The following VPS18 variants were observed in gnomAD, a reference collection of about 807,000 sequenced individuals.
VPS18 encodes VPS18 core subunit of CORVET and HOPS complexes.
In VPS18, 25 loss-of-function variants were observed where a neutral mutation model predicts 82.0. The ratio of observed to expected loss-of-function variants is 0.30; its 90% CI spans 0.22 to 0.43. VPS18 has a LOEUF of 0.43. VPS18 is among the 20% of genes least tolerant of loss of function. The pLI is 1.00. For synonymous variants in VPS18, 523 were observed against 543.0 expected (o/e 0.96, Z 0.51); for missense variants, 1,168 against 1,311.1 (o/e 0.89, Z 1.69).
At position 40,903,219 on chromosome 15, in the gene VPS18, G is replaced by C; in HGVS notation, c.2800G>C (p.Ala934Pro). The part of the protein sequence containing the change: ...TAGPSREQLK[A>P]DLDELVAAEC... ...AGGGCCCAGCCGGGAACAGCTCAAG[G>C]CTGACCTGGATGAGTTGGTGGCCGC... is the stretch of plus-strand genomic sequence containing the variant. The change falls in exon 5 of 5, where the codon GCT becomes CCT. Residue 934 changes from alanine to proline, a missense_variant. Physicochemically the swap from Ala to Pro is conservative, Grantham distance 27 (BLOSUM62 -1). Coordinates refer to ENST00000220509, the MANE Select transcript of VPS18 (RefSeq NM_020857.3). 6.2e-7 allele frequency: 1 copy of C among 1,612,052 alleles called. No homozygotes were observed. Among genetic ancestry groups the C allele is most frequent in the Non-Finnish European group, 8.5e-7 (1 of 1,179,260 alleles).
In VPS18 at chr15:40,902,532, C is replaced by A; in HGVS notation, c.2197-84C>A. ...GAGTGCTGGGAATCCTGCCTCGGGG[C>A]CTCTCCTCGGCCATCTCTCTCTCCC... On this transcript the variant is annotated intron_variant, in intron 4 of 4. Coordinates refer to ENST00000220509, the MANE Select transcript of VPS18 (RefSeq NM_020857.3). This position sits in a 1 kb window ranked among gnomAD's most constrained non-coding sequence, Gnocchi z 4.2. The A allele has an allele frequency of 1.3e-6, 2 of 1,504,252 alleles. No individual in the cohort carries two copies. Among genetic ancestry groups the A allele is most frequent in the Non-Finnish European group, 1.8e-6 (2 of 1,127,542 alleles). The allele number at this position is 1,504,252 out of a possible 1,614,324, so 93.2% of individuals were successfully genotyped here. A position where few individuals can be genotyped will look rare whatever the true frequency, so the allele number is the denominator to read the frequency against.
Position 40,902,506 on chromosome 15 carries a change from G to C in VPS18, c.2197-110G>C, listed in dbSNP as rs1892376215. ...GCAGCGGCAGGCCCCCTTGCTTCCAGGAGTGCTGGGAATCCTGCCTCGGGG... is the reference window on the plus strand; with the variant it reads ...GCAGCGGCAGGCCCCCTTGCTTCCACGAGTGCTGGGAATCCTGCCTCGGGG... On this transcript the variant is annotated intron_variant, in intron 4 of 4. Transcript: ENST00000220509. This position sits in a 1 kb window ranked among gnomAD's most constrained non-coding sequence, Gnocchi z 4.2. 7.0e-7 allele frequency: 1 copy of C among 1,427,056 alleles called. No homozygotes were observed. The highest frequency in any genetic ancestry group is 2.4e-5 in the East Asian group (1 of 41,466). 88.4% of individuals were successfully genotyped at this position (1,427,056 alleles called of 1,614,324 possible). A position where few individuals can be genotyped will look rare whatever the true frequency, so the allele number is the denominator to read the frequency against.
At chr15:40,895,859 C>T in intron 1 of VPS18, 79 bp from the exon 2 acceptor site, 6 of 1,583,118 alleles carry the variant, frequency 3.8e-6, no homozygotes, top group Non-Finnish European at 4.3e-6. Flanking sequence ...GCGAGGAGCA[C>T]TGTGGTGTTT....
At position 40,900,665 on chromosome 15, in the gene VPS18, A is replaced by T; in HGVS notation, c.1847A>T (p.Glu616Val). 6.2e-7 allele frequency: 1 copy of T among 1,614,034 alleles called. No homozygotes were observed. Among genetic ancestry groups the T allele is most frequent in the Non-Finnish European group, 8.5e-7 (1 of 1,180,004 alleles). ...CGCCAGCTTGTAGATGCCTGGATTG[A>T]GATGGGCAGCCGGCTGGATGCTCGT... The part of the protein sequence containing the change: ...IPRQLVDAWI[E>V]MGSRLDARQL... Residue 616 changes from glutamate (E) to valine (V), a missense_variant, in exon 4 of 5, where the codon GAG becomes GTG. Glu to Val is a moderately radical substitution (Grantham distance 121). Coordinates refer to ENST00000220509, the MANE Select transcript of VPS18 (RefSeq NM_020857.3). The surrounding 1 kb of genome is among the most constrained non-coding windows in gnomAD (Gnocchi z 5.4).
intron 4 of VPS18, among the ~76,000 whole-genome samples, chr15:40,901,596 A>AT (rs1226915557): frequency 6.6e-6 from 1 of 151,514 alleles, no homozygotes; most frequent in Non-Finnish European, 1.5e-5. Context: ...CAAAAAAAAA[A>AT]AAAGAAAAAG....
chr15:40,894,751 G>T lies in VPS18; in HGVS notation c.-18G>T. On this transcript the variant is annotated 5_prime_UTR_variant, in exon 1 of 5. Transcript: ENST00000220509. ...GTAATCCCCAGGCCCCGGACAAAGA[G>T]CCCAGAGGCCGGGCACCATGGCGTC... 6.5e-7 allele frequency: 1 copy of T among 1,542,716 alleles called. No homozygotes were observed.
In VPS18 at chr15:40,900,880, G is replaced by T. The variant is rs752634117; in HGVS notation, c.2062G>T (p.Ala688Ser). 7 of 1,613,978 alleles carry T rather than the reference G, an allele frequency of 4.3e-6. No homozygotes were observed. The South Asian group carries it at 6.6e-5, about 15-fold the overall frequency. Residue 688 changes from alanine (A) to serine (S), a missense_variant, in exon 4 of 5, where the codon GCC becomes TCC. This residue lies in a region of VPS18 where 868 missense variants were observed against 939.8 expected (regional missense o/e 0.92). Transcript: ENST00000220509. The surrounding 1 kb of genome is among the most constrained non-coding windows in gnomAD (Gnocchi z 5.4). ...ACTGGCCTATCTGGAGCAGGCTGGGGCCAGCCCCCACCGGGTGCATTACGA... is the reference window on the plus strand; with the variant it reads ...ACTGGCCTATCTGGAGCAGGCTGGGTCCAGCCCCCACCGGGTGCATTACGA... ...SLLAYLEQAG[A>S]SPHRVHYDLK... is the part of the protein sequence containing the mutation.
chr15:40,894,699 C>T lies in VPS18; in HGVS notation c.-70C>T. On this transcript the variant is annotated 5_prime_UTR_variant, in exon 1 of 5. In the 5' UTR this introduces an upstream ATG that the reference lacks. Transcript: ENST00000220509. ...AGTTACAGCTTCCATTCTGGGGCGACGGGGACCCCGGGGGGGTAGCCCTTT... is the reference window on the plus strand; with the variant it reads ...AGTTACAGCTTCCATTCTGGGGCGATGGGGACCCCGGGGGGGTAGCCCTTT... The T allele has an allele frequency of 1.4e-6, 2 of 1,444,894 alleles. No individual in the cohort carries two copies. Among genetic ancestry groups the T allele is most frequent in the Non-Finnish European group, 1.8e-6 (2 of 1,083,826 alleles). 89.5% of individuals were successfully genotyped at this position (1,444,894 alleles called of 1,614,324 possible).
intron 1 of VPS18, 113 bp downstream of exon 1, chr15:40,894,972 G>C (rs1171110376): frequency 9.4e-7 from 1 of 1,066,896 alleles, no homozygotes; most frequent in South Asian, 1.7e-5. Flanking sequence ...GTGCCTTCCG[G>C]GTCTAGGCCC....
At chr15:40,898,102 G>A (rs1229260865) in intron 2 of VPS18, among the ~76,000 whole-genome samples, 2 of 152,130 alleles carry the variant, frequency 1.3e-5, no homozygotes, top group Non-Finnish European at 2.9e-5. Context: ...CAGTAGCTGG[G>A]ACTACAGGCG....
At position 40,894,931 on chromosome 15, in the gene VPS18, G is replaced by C. The variant is rs892839780; in HGVS notation, c.91+72G>C. On this transcript the variant is annotated intron_variant, in intron 1 of 4. Transcript: ENST00000220509. Reference sequence around the variant, plus strand: ...TTGCGTGGGAGCAGCGAGGAGGGCAGCTCCAAGAGCTCGGGGTCATCCCCT... The same window carrying C: ...TTGCGTGGGAGCAGCGAGGAGGGCACCTCCAAGAGCTCGGGGTCATCCCCT... The C allele has an allele frequency of 5.5e-6, 8 of 1,444,410 alleles. No individual in the cohort carries two copies. In the African/African-American group the frequency reaches 9.9e-5, roughly 18 times the overall value. The allele number at this position is 1,444,410 out of a possible 1,614,324, so 89.5% of individuals were successfully genotyped here.
At position 40,902,273 on chromosome 15, in the gene VPS18, C is replaced by T. The variant is rs1230370635; in HGVS notation, c.2197-343C>T. The stretch of plus-strand genomic sequence containing the variant: ...GACTACAGGCGCCCGCCACCACACC[C>T]GGCTAATTTTTTTGTATTTTTAGTA... On this transcript the variant is annotated intron_variant, in intron 4 of 4. Coordinates refer to ENST00000220509, the MANE Select transcript of VPS18 (RefSeq NM_020857.3). The surrounding 1 kb of genome is among the most constrained non-coding windows in gnomAD (Gnocchi z 4.2). Among the ~76,000 whole-genome samples, 2 of 152,044 alleles carry T rather than the reference C, an allele frequency of 1.3e-5. No individual in the cohort carries two copies. The highest frequency in any genetic ancestry group is 2.4e-5 in the African/African-American group (1 of 41,390).
rs1892384353 is a variant in VPS18 at position 40,902,896 on chromosome 15, C to T, written c.2477C>T (p.Ala826Val). 1 of 1,614,144 alleles carries T rather than the reference C, an allele frequency of 6.2e-7. No individual in the cohort carries two copies. The highest frequency in any genetic ancestry group is 8.5e-7 in the Non-Finnish European group (1 of 1,180,064). The change falls in exon 5 of 5, where the codon GCT becomes GTT. Residue 826 changes from alanine (A) to valine (V), a missense_variant. By Grantham distance (64) the Ala-to-Val change is moderately conservative. Around this residue, in one of 3 missense-constraint regions of VPS18, gnomAD observed 296 missense variants for 354.0 expected, o/e 0.84. Transcript: ENST00000220509. The surrounding 1 kb of genome is among the most constrained non-coding windows in gnomAD (Gnocchi z 4.2). Reference protein sequence around the residue: ...IQELQREMEEATASAQRIRRD... With the variant: ...IQELQREMEEVTASAQRIRRD... ...GAGCTGCAGCGGGAGATGGAAGAGG[C>T]TACAGCCAGTGCCCAGCGCATCCGG...
rs1892397829 is a variant in VPS18 at position 40,903,307 on chromosome 15, A to G, written c.2888A>G (p.Gln963Arg). ...RSIDRPFIDP[Q>R]RYEEEQLSWL is the part of the protein sequence containing the mutation. The stretch of plus-strand genomic sequence containing the variant: ...ATCGACCGGCCGTTCATCGACCCCC[A>G]GCGCTACGAGGAGGAGCAGCTCAGT... The change falls in exon 5 of 5, where the codon CAG (glutamine) becomes CGG (arginine). Residue 963 changes from glutamine (Q) to arginine (R), a missense_variant. By Grantham distance (43) the Gln-to-Arg change is conservative. Coordinates refer to ENST00000220509, the MANE Select transcript of VPS18 (RefSeq NM_020857.3). 1 of 1,552,382 alleles carries G rather than the reference A, an allele frequency of 6.4e-7. No homozygotes were observed. Among genetic ancestry groups the G allele is most frequent in the Non-Finnish European group, 8.7e-7 (1 of 1,149,346 alleles).
Position 40,899,052 on chromosome 15 carries a change from TG to T in VPS18, c.325+57del. On this transcript the variant is annotated intron_variant, in intron 3 of 4. Coordinates refer to ENST00000220509, the MANE Select transcript of VPS18 (RefSeq NM_020857.3). This position sits in a 1 kb window ranked among gnomAD's most constrained non-coding sequence, Gnocchi z 4.4. The stretch of plus-strand genomic sequence containing the variant: ...GGTCTCTGGTCAGTCACTGCCTGGG[TG>T]GGTGGGCTCTGAGGGTGGTGTGGGG... 3 of 1,603,984 alleles carry T rather than the reference TG, an allele frequency of 1.9e-6. No homozygotes were observed. The highest frequency in any genetic ancestry group is 2.6e-6 in the Non-Finnish European group (3 of 1,175,616).
At position 40,900,532 on chromosome 15, in the gene VPS18, T is replaced by C; in HGVS notation, c.1714T>C (p.Tyr572His). Residue 572 changes from tyrosine (Y) to histidine (H), a missense_variant, in exon 4 of 5, where the codon TAC becomes CAC. By Grantham distance (83) the Tyr-to-His change is moderately conservative (BLOSUM62 2). Coordinates refer to ENST00000220509, the MANE Select transcript of VPS18 (RefSeq NM_020857.3). This position sits in a 1 kb window ranked among gnomAD's most constrained non-coding sequence, Gnocchi z 5.4. ...IMQDYERVVA[Y>H]HCQHEAYEEA... ...GCAGGACTATGAGCGGGTGGTGGCT[T>C]ACCACTGTCAGCACGAGGCCTACGA... The C allele has an allele frequency of 6.2e-7, 1 of 1,613,990 alleles. No homozygotes were observed. The highest frequency in any genetic ancestry group is 1.3e-5 in the African/African-American group (1 of 75,018).
chr15:40,896,006 T>G lies in VPS18; in HGVS notation c.160T>G (p.Ser54Ala). ...FTKQRIDFTP[S>A]ERITSLVVSS... ...AAAGCAGCGCATTGACTTCACCCCT[T>G]CCGAGCGCATTACCAGTCTTGTCGT... is the stretch of plus-strand genomic sequence containing the variant. The change falls in exon 2 of 5, where the codon TCC (serine) becomes GCC (alanine). Residue 54 changes from serine (S) to alanine (A), a missense_variant. Transcript: ENST00000220509. The G allele has an allele frequency of 6.2e-7, 1 of 1,614,190 alleles. No individual in the cohort carries two copies. Among genetic ancestry groups the G allele is most frequent in the Non-Finnish European group, 8.5e-7 (1 of 1,180,040 alleles).
At chr15:40,898,424 A>C (rs80245030) in intron 2 of VPS18, among the ~76,000 whole-genome samples, 8,649 of 149,862 alleles carry the variant, frequency 0.058, 276 homozygotes, top group South Asian at 0.1. Context: ...AGGGCCCTGT[A>C]TATTTTTCAG....
intron 1 of VPS18, among the ~76,000 whole-genome samples, chr15:40,895,599 G>A (rs1012950803): frequency 6.6e-6 from 1 of 152,150 alleles, no homozygotes; most frequent in African/African-American, 2.4e-5. Flanking sequence ...TGGGATTGCT[G>A]GGCCAAAGAC....
Sources: gnomAD v4.1 joint callset for allele counts (sites outside exome capture counted in the v4.1 genomes callset) on GRCh38, gnomAD v4.1.1 for gene constraint, gnomAD v4.1.1 regional missense constraint, Gnocchi (gnomAD v3.1) non-coding constraint, MANE v1.5 for transcripts, NCBI Gene and HGNC (gene_info 2026-07-23, HGNC 2026-07-21) for gene names.